Variants in DNAJC3 observed in about 807,000 individuals in gnomAD.
DNAJC3 encodes dnaJ homolog subfamily C member 3.
Under a neutral mutation model 68.6 loss-of-function variants are expected in DNAJC3, and 38 were observed. The ratio of observed to expected loss-of-function variants is 0.55; its 90% CI spans 0.43 to 0.73. DNAJC3 has a LOEUF of 0.73. Among genes scored for constraint, DNAJC3 ranks in the 30% least tolerant of loss-of-function variants. The pLI, the probability that DNAJC3 is intolerant of heterozygous loss-of-function variation, is 0.00. For missense variants in DNAJC3, 526 were observed against 591.9 expected, an observed-to-expected ratio of 0.89 and a Z score of 1.16; for synonymous variants, 203 against 204.0, an observed-to-expected ratio of 1.00 and a Z score of 0.04.
intron 2 of DNAJC3, among the ~76,000 whole-genome samples, chr13:95,715,778 C>T (rs144714736): frequency 0.013 from 1,998 of 151,960 alleles, 40 homozygotes; most frequent in Middle Eastern, 0.044. Flanking sequence ...TGAGCCACTG[C>T]GCCCAGCCAC....
intron 1 of DNAJC3, among the ~76,000 whole-genome samples, chr13:95,691,110 A>G (rs1880238976): frequency 7.5e-6 from 1 of 133,636 alleles, no homozygotes. Flanking sequence ...GGCGCCCCTC[A>G]CTTCCCAGAC....
chr13:95,686,741 G>A lies in DNAJC3; in HGVS notation c.82+9404G>A, dbSNP rs146345431. ...TATTGTAGTCCATTGATCTGTGTGC[G>A]TATTTTTGTACCAGTACCATGCCAT... is the stretch of plus-strand genomic sequence containing the variant. On this transcript the variant is annotated intron_variant, in intron 1 of 11. Transcript: ENST00000602402. Among the ~76,000 whole-genome samples, 318 of 152,262 alleles carry A rather than the reference G, an allele frequency of 2.1e-3. 1 individual carries two copies. Among genetic ancestry groups the A allele is most frequent in the African/African-American group, 6.5e-3 (270 of 41,568 alleles).
At chr13:95,711,850 T>C (rs1880977975) in intron 2 of DNAJC3, among the ~76,000 whole-genome samples, 1 of 152,178 alleles carries the variant, frequency 6.6e-6, no homozygotes, top group South Asian at 2.1e-4. Flanking sequence ...GAAATACACA[T>C]AACACTTGGA....
intron 4 of DNAJC3, among the ~76,000 whole-genome samples, chr13:95,733,353 C>T (rs1881776286): frequency 6.6e-6 from 1 of 152,138 alleles, no homozygotes; most frequent in Non-Finnish European, 1.5e-5. Flanking sequence ...GTTATATCCT[C>T]TTGCTGAACT....
intron 1 of DNAJC3, among the ~76,000 whole-genome samples, chr13:95,690,670 C>A (rs1489969938): frequency 3.5e-5 from 5 of 141,356 alleles, no homozygotes; most frequent in African/African-American, 1.1e-4. Context: ...GGGGCTGACC[C>A]CCCCACCTCC....
At chr13:95,758,388 C>G (rs1025167518) in intron 5 of DNAJC3, among the ~76,000 whole-genome samples, 1 of 151,150 alleles carries the variant, frequency 6.6e-6, no homozygotes, top group Non-Finnish European at 1.5e-5. Context: ...GTAATCCCAG[C>G]ACTTTGGGAG....
At chr13:95,742,657 G>A (rs770577664) in intron 4 of DNAJC3, 2 of 517,832 alleles carry the variant, frequency 3.9e-6, no homozygotes, top group South Asian at 2.8e-5. Flanking sequence ...CTTCTCTGTT[G>A]GGACTCCAGC....
intron 9 of DNAJC3, among the ~76,000 whole-genome samples, chr13:95,782,187 T>C (rs190372367): frequency 6.6e-6 from 1 of 152,356 alleles, no homozygotes; most frequent in Admixed American, 6.5e-5. Context: ...GCACATTTTC[T>C]TTATCCAGTC....
intron 1 of DNAJC3, among the ~76,000 whole-genome samples, chr13:95,706,444 T>G (rs1593965437): frequency 6.6e-6 from 1 of 152,368 alleles, no homozygotes; most frequent in East Asian, 1.9e-4. Flanking sequence ...ACATGTTCTG[T>G]GGGATTGTGC....
At chr13:95,785,633 GT>G (rs1381790478) in intron 9 of DNAJC3, among the ~76,000 whole-genome samples, 51 of 140,514 alleles carry the variant, frequency 3.6e-4, no homozygotes, top group Non-Finnish European at 4.8e-4. Context: ...TAATTTTTGT[GT>G]TTTTTTTTTT....
In DNAJC3 at chr13:95,736,588, T is replaced by C. The variant is rs574300464; in HGVS notation, c.393+11336T>C. ...TATTTTATTCTCTTTGAAGCAATTG[T>C]GAATGGGAGTTCACTCATGATTTGG... On this transcript the variant is annotated intron_variant, in intron 4 of 11. Transcript: ENST00000602402. Among the ~76,000 whole-genome samples the C allele has an allele frequency of 3.4e-3, 508 of 151,526 alleles. 3 individuals are homozygous for C. The highest frequency in any genetic ancestry group is 0.012 in the African/African-American group (482 of 41,182).
rs969364078 is a variant in DNAJC3, at chr13:95,677,191, C to T, written c.-65C>T. Reference sequence around the variant, plus strand: ...GACGGCGGGCGGGCGCAGCTGCTGCCGGAGCGCCGGCGCGTGCTGGTGGGC... The same window carrying T: ...GACGGCGGGCGGGCGCAGCTGCTGCTGGAGCGCCGGCGCGTGCTGGTGGGC... On this transcript the variant is annotated 5_prime_UTR_variant, in exon 1 of 12. Coordinates refer to ENST00000602402, the MANE Select transcript of DNAJC3 (RefSeq NM_006260.5). The T allele has an allele frequency of 7.9e-5, 119 of 1,497,464 alleles. 1 individual carries two copies. Among genetic ancestry groups the T allele is most frequent in the Non-Finnish European group, 8.8e-5 (98 of 1,108,316 alleles). The allele number at this position is 1,497,464 out of a possible 1,614,324, so 92.8% of individuals were successfully genotyped here.
intron 2 of DNAJC3, among the ~76,000 whole-genome samples, chr13:95,714,323 T>C (rs1161861956): frequency 6.6e-6 from 1 of 151,050 alleles, no homozygotes; most frequent in Admixed American, 6.6e-5. Flanking sequence ...TGAGCTCAGG[T>C]GCAGTGAGCT....
intron 1 of DNAJC3, chr13:95,694,380 A>G (rs1880369593): frequency 6.6e-6 from 1 of 152,644 alleles, no homozygotes; most frequent in Non-Finnish European, 1.5e-5. Context: ...ACACAATACC[A>G]CAACCCACAG....
chr13:95,785,890 A>G (rs779229703), intron 9 of DNAJC3, 49 bp from the exon 10 acceptor site: 1 of 1,500,314 alleles, frequency 6.7e-7, no homozygotes, highest in South Asian at 1.3e-5. Flanking sequence ...AGAAAAGGCA[A>G]TAAATTATAA....
chr13:95,782,876 GA>G (rs1230893737), intron 9 of DNAJC3, among the ~76,000 whole-genome samples: 1 of 152,178 alleles, frequency 6.6e-6, no homozygotes, highest in Middle Eastern at 3.2e-3. Flanking sequence ...GATGTTTCAT[GA>G]AGTCTTTGCC....
At chr13:95,698,098 TG>T (rs1880496205) in intron 1 of DNAJC3, among the ~76,000 whole-genome samples, 1 of 125,018 alleles carries the variant, frequency 8.0e-6, no homozygotes. Context: ...TTCATTTAAA[TG>T]GCTTTTTTTT....
At chr13:95,748,621 G>C (rs576232346) in intron 4 of DNAJC3, among the ~76,000 whole-genome samples, 1 of 152,224 alleles carries the variant, frequency 6.6e-6, no homozygotes, top group East Asian at 1.9e-4. Flanking sequence ...TTTGAGACCA[G>C]CCTGGCCAAC....
At chr13:95,771,144 C>T (rs932505573) in intron 9 of DNAJC3, among the ~76,000 whole-genome samples, 3 of 151,992 alleles carry the variant, frequency 2.0e-5, no homozygotes, top group African/African-American at 7.3e-5. Context: ...TTTACTTTTC[C>T]CCCAGATACT....
Sources: allele counts gnomAD v4.1 joint callset (sites outside exome capture counted in the v4.1 genomes callset), GRCh38; gene constraint gnomAD v4.1.1; transcripts MANE v1.5; gene names NCBI Gene and HGNC (gene_info 2026-07-23, HGNC 2026-07-21).